The following RTN3 variants were observed in gnomAD, a reference collection of about 807,000 sequenced individuals.
The protein encoded by RTN3 is reticulon 3, also known as reticulon-3.
Under a neutral mutation model 77.8 loss-of-function variants are expected in RTN3, and 49 were observed. The observed-to-expected ratio is 0.63, with a 90% CI of 0.50 to 0.80. RTN3 has a LOEUF of 0.80. Ranked by LOEUF, RTN3 falls within the 30% of genes least tolerant of loss-of-function variation. The probability of loss-of-function intolerance (pLI) is 0.00; values close to 1 mark genes in which losing one functional copy is unlikely to be tolerated. For synonymous variants in RTN3, 464 were observed against 446.9 expected (o/e 1.04, Z -0.48); for missense variants, 1,236 against 1,211.9 (o/e 1.02, Z -0.29).
intron 3 of RTN3, among the ~76,000 whole-genome samples, chr11:63,746,012 T>C: frequency 6.6e-6 from 1 of 152,202 alleles, no homozygotes; most frequent in East Asian, 1.9e-4. Flanking sequence ...GGTTTCGCCA[T>C]GTTGGCCAGG....
At chr11:63,742,268 C>G (rs1049888123) in intron 3 of RTN3, among the ~76,000 whole-genome samples, 7 of 151,082 alleles carry the variant, frequency 4.6e-5, no homozygotes, top group Admixed American at 4.6e-4. Context: ...CATGAGCCAC[C>G]GCGCCTTGCC....
chr11:63,750,318 T>G lies in RTN3; in HGVS notation c.2738+120T>G, dbSNP rs1026077720. 16 of 819,744 alleles carry G rather than the reference T, an allele frequency of 2.0e-5. No individual in the cohort carries two copies. The Admixed American group carries it at 3.0e-4, about 15-fold the overall frequency. The allele number at this position is 819,744 out of a possible 1,614,324, so 50.8% of individuals were successfully genotyped here. ...AATTATGGGGCCTAATGCAGCTGAT[T>G]GGTGGCATGAAGCATCCCCTAGAGA... On this transcript the variant is annotated intron_variant, in intron 4 of 8. Coordinates refer to ENST00000377819, the MANE Select transcript of RTN3 (RefSeq NM_001265589.2).
chr11:63,734,152 T>C (rs1013737099), intron 3 of RTN3, among the ~76,000 whole-genome samples: 2 of 152,138 alleles, frequency 1.3e-5, no homozygotes, highest in Admixed American at 1.3e-4. Flanking sequence ...CTCCTGAAGA[T>C]TGGGTACAAT....
At chr11:63,708,697 A>G (rs2134750160) in intron 2 of RTN3, among the ~76,000 whole-genome samples, 1 of 152,348 alleles carries the variant, frequency 6.6e-6, no homozygotes, top group East Asian at 1.9e-4. Context: ...ATTTCTAGTT[A>G]GAATGTCAGT....
intron 1 of RTN3, among the ~76,000 whole-genome samples, chr11:63,694,293 C>T (rs1277305968): frequency 2.0e-5 from 3 of 151,904 alleles, no homozygotes; most frequent in Non-Finnish European, 4.4e-5. Flanking sequence ...TCTCCTGCCT[C>T]AGCCTCCCAA....
Position 63,683,943 on chromosome 11 carries a change from C to CTTTTTTTTTTTTTTTTTTTTTTTT in RTN3, c.142+2171_142+2194dup, listed in dbSNP as rs35837590. Among the ~76,000 whole-genome samples, 20 of 58,950 alleles carry CTTTTTTTTTTTTTTTTTTTTTTTT rather than the reference C, an allele frequency of 3.4e-4. 5 individuals are homozygous for CTTTTTTTTTTTTTTTTTTTTTTTT. Among genetic ancestry groups the CTTTTTTTTTTTTTTTTTTTTTTTT allele is most frequent in the African/African-American group, 1.3e-3 (18 of 13,338 alleles). 38.7% of individuals were successfully genotyped at this position (58,950 alleles called of 152,430 possible). On this transcript the variant is annotated intron_variant, in intron 1 of 8. Coordinates refer to ENST00000377819, the MANE Select transcript of RTN3 (RefSeq NM_001265589.2). Reference sequence around the variant, plus strand: ...TATTTCTTTCTCTTTTCTTTTCTTTCTTTTTTTTTTTTTTTTTTTTTTTTT... The same window carrying CTTTTTTTTTTTTTTTTTTTTTTTT: ...TATTTCTTTCTCTTTTCTTTTCTTTCTTTTTTTTTTTTTTTTTTTTTTTTTTTTTTTTTTTTTTTTTTTTTTTTT...
intron 8 of RTN3, among the ~76,000 whole-genome samples, chr11:63,756,485 G>A (rs2014388357): frequency 6.6e-6 from 1 of 151,870 alleles, no homozygotes; most frequent in South Asian, 2.1e-4. Flanking sequence ...ACCAGCCTGG[G>A]CAACATAGCT....
At chr11:63,697,289 C>T (rs896216018) in intron 1 of RTN3, among the ~76,000 whole-genome samples, 7 of 151,432 alleles carry the variant, frequency 4.6e-5, no homozygotes, top group Non-Finnish European at 1.0e-4. Flanking sequence ...TTCAGCAGGT[C>T]CACTTATGCT....
intron 1 of RTN3, among the ~76,000 whole-genome samples, chr11:63,700,973 C>G (rs556109135): frequency 6.6e-6 from 1 of 151,486 alleles, no homozygotes; most frequent in Admixed American, 6.6e-5. Flanking sequence ...GCCTGTAGTC[C>G]CAGCTACTCG....
At chr11:63,722,129 C>T (rs2011862082) in intron 3 of RTN3, among the ~76,000 whole-genome samples, 1 of 152,042 alleles carries the variant, frequency 6.6e-6, no homozygotes, top group South Asian at 2.1e-4. Flanking sequence ...TCTTTCAAGC[C>T]CCTCTACAAG....
chr11:63,696,342 A>G (rs1424508407), intron 1 of RTN3, among the ~76,000 whole-genome samples: 5 of 148,838 alleles, frequency 3.4e-5, no homozygotes, highest in African/African-American at 1.2e-4. Flanking sequence ...GGTTGCAGTG[A>G]GCCGAGATCA....
chr11:63,710,172 T>C (rs1942682877), intron 2 of RTN3, among the ~76,000 whole-genome samples: 1 of 152,150 alleles, frequency 6.6e-6, no homozygotes, highest in Non-Finnish European at 1.5e-5. Context: ...TCAAATGTAT[T>C]TACTCATAAG....
intron 3 of RTN3, among the ~76,000 whole-genome samples, chr11:63,721,741 T>G (rs2011827510): frequency 6.6e-6 from 1 of 152,152 alleles, no homozygotes; most frequent in African/African-American, 2.4e-5. Context: ...TGTCATACTT[T>G]TTAGCACTTG....
intron 2 of RTN3, among the ~76,000 whole-genome samples, chr11:63,710,218 A>T: frequency 6.6e-6 from 1 of 152,164 alleles, no homozygotes; most frequent in Non-Finnish European, 1.5e-5. Flanking sequence ...TTTTTAAGAG[A>T]TGTGGTCTCA....
At chr11:63,716,960 C>T (rs1369230838) in intron 2 of RTN3, among the ~76,000 whole-genome samples, 1 of 130,314 alleles carries the variant, frequency 7.7e-6, no homozygotes, top group African/African-American at 2.9e-5. Context: ...CAGAGCAAGA[C>T]TCCGTCTCAA....
At chr11:63,684,497 T>A (rs1040828795) in intron 1 of RTN3, among the ~76,000 whole-genome samples, 1 of 152,086 alleles carries the variant, frequency 6.6e-6, no homozygotes, top group African/African-American at 2.4e-5. Context: ...TTTGCCATGT[T>A]GGCCAGGCTG....
At chr11:63,729,012 CATCTT>C (rs1034794196) in intron 3 of RTN3, among the ~76,000 whole-genome samples, 22 of 151,136 alleles carry the variant, frequency 1.5e-4, no homozygotes, top group African/African-American at 3.4e-4. Flanking sequence ...AGTAGAGTAA[CATCTT>C]ATAAAGTGCC....
At chr11:63,692,990 T>G (rs1301095344) in intron 1 of RTN3, among the ~76,000 whole-genome samples, 3 of 152,168 alleles carry the variant, frequency 2.0e-5, no homozygotes, top group Non-Finnish European at 4.4e-5. Flanking sequence ...ATGCTGGTCT[T>G]GACTGAATTC....
In RTN3 at chr11:63,720,097, T is replaced by G; in HGVS notation, c.1595T>G (p.Val532Gly). The G allele has an allele frequency of 1.2e-6, 2 of 1,613,292 alleles. No homozygotes were observed. Among genetic ancestry groups the G allele is most frequent in the Non-Finnish European group, 1.7e-6 (2 of 1,179,818 alleles). ...EKPVSIPSAV[V>G]KTGEREIKEI... is the part of the protein sequence containing the mutation. ...CCTGTTTCCATTCCAAGTGCTGTTG[T>G]AAAAACAGGTGAAAGAGAAATCAAA... Residue 532 changes from valine (V) to glycine (G), a missense_variant, in exon 3 of 9, where the codon GTA becomes GGA. By Grantham distance (109) the Val-to-Gly change is moderately radical. Coordinates refer to ENST00000377819, the MANE Select transcript of RTN3 (RefSeq NM_001265589.2).
Sources: allele counts gnomAD v4.1 joint callset (sites outside exome capture counted in the v4.1 genomes callset), GRCh38; gene constraint gnomAD v4.1.1; transcripts MANE v1.5; gene names NCBI Gene and HGNC (gene_info 2026-07-23, HGNC 2026-07-21).